TANC1: variants seen among roughly 807,000 people sequenced by gnomAD.
The protein encoded by TANC1 is protein TANC1.
Under a neutral mutation model 149.7 loss-of-function variants are expected in TANC1, and 77 were observed. The ratio of observed to expected loss-of-function variants is 0.51; its 90% confidence interval spans 0.43 to 0.62. TANC1 has a LOEUF of 0.62. Ranked by LOEUF, TANC1 falls within the 20% of genes least tolerant of loss-of-function variation. The probability of loss-of-function intolerance (pLI) is 0.00; values close to 1 mark genes in which losing one functional copy is unlikely to be tolerated. For missense variants in TANC1, 1,985 were observed against 2,321.8 expected (o/e 0.85, Z 2.98); for synonymous variants, 854 against 925.0 (o/e 0.92, Z 1.39).
intron 2 of TANC1, among the ~76,000 whole-genome samples, chr2:159,031,111 A>T (rs1184305488): frequency 6.6e-6 from 1 of 152,226 alleles, no homozygotes; most frequent in Non-Finnish European, 1.5e-5. Context: ...GCTCCTTATC[A>T]GAACTGAGCT....
intron 1 of TANC1, among the ~76,000 whole-genome samples, chr2:158,985,869 C>T (rs1166097902): frequency 6.6e-6 from 1 of 152,146 alleles, no homozygotes; most frequent in African/African-American, 2.4e-5. Flanking sequence ...TCTGAAACTC[C>T]TGACCTTGCG....
chr2:159,179,191 T>C, intron 14 of TANC1, 28 bp downstream of exon 14: 1 of 1,584,224 alleles, frequency 6.3e-7, no homozygotes, highest in Non-Finnish European at 8.6e-7. Flanking sequence ...TTTCAGCTCT[T>C]TGCAGGGAAT....
At chr2:158,997,130 A>G (rs1201762334) in intron 1 of TANC1, among the ~76,000 whole-genome samples, 3 of 152,224 alleles carry the variant, frequency 2.0e-5, no homozygotes, top group Non-Finnish European at 4.4e-5. Flanking sequence ...ACTATAATCT[A>G]TAAAAACTAC....
Position 159,149,251 on chromosome 2 carries a change from T to C in TANC1, c.474T>C (p.Ile158=), listed in dbSNP as rs193207814. ...TCCCAAGTGCCACACACATAACCAT[T>C]GAAGACAAAAATGAAACCATGGTAA... The part of the protein sequence containing the change: ...EGIPSATHIT[I]EDKNETMCTA... Residue 158 remains isoleucine (I), a synonymous_variant, in exon 6 of 27, where the codon ATT becomes ATC. Coordinates refer to ENST00000263635, the MANE Select transcript of TANC1 (RefSeq NM_033394.3). The C allele has an allele frequency of 3.1e-4, 506 of 1,614,126 alleles. 3 individuals carry two copies. The highest frequency in any genetic ancestry group is 1.6e-3 in the Middle Eastern group (10 of 6,062).
In TANC1 at chr2:159,143,075, A is replaced by AAC. The variant is rs1553573304; in HGVS notation, c.365-6066_365-6065insCA. Among the ~76,000 whole-genome samples, 75 of 98,822 alleles carry AAC rather than the reference A, an allele frequency of 7.6e-4. 1 individual carries two copies. The highest frequency in any genetic ancestry group is 5.3e-3 in the Middle Eastern group (1 of 190). 64.8% of individuals were successfully genotyped at this position (98,822 alleles called of 152,430 possible). The stretch of plus-strand genomic sequence containing the variant: ...GAGACTCTGTCTCAAAAAAAAAAAA[A>AAC]AAACAACAAAACAAAACAAAAAAAA... On this transcript the variant is annotated intron_variant, in intron 5 of 26. Transcript: ENST00000263635.
chr2:159,159,717 TGAGAGAGAGAGAGAGAGAGAGAGA>T (rs56101796), intron 7 of TANC1, among the ~76,000 whole-genome samples: 5 of 114,974 alleles, frequency 4.3e-5, no homozygotes, highest in Non-Finnish European at 8.8e-5. Flanking sequence ...TGTGTGTGTG[TGAGAGAGAGAGAGAGAGAGAGAGA>T]GAGAGAGAGA....
At chr2:159,094,784 GT>G (rs1420159190) in intron 3 of TANC1, among the ~76,000 whole-genome samples, 109 of 144,440 alleles carry the variant, frequency 7.5e-4, no homozygotes, top group African/African-American at 2.6e-3. Context: ...TGGGGGGGGG[GT>G]GGGGGCCAGC....
intron 2 of TANC1, among the ~76,000 whole-genome samples, chr2:159,016,508 A>G (rs1353430659): frequency 6.6e-6 from 1 of 151,964 alleles, no homozygotes; most frequent in Non-Finnish European, 1.5e-5. Context: ...CTGTCTCCTA[A>G]TTCAGTACCT....
intron 7 of TANC1, among the ~76,000 whole-genome samples, chr2:159,153,215 G>T (rs539535324): frequency 2.6e-5 from 4 of 152,214 alleles, no homozygotes; most frequent in Admixed American, 2.6e-4. Context: ...AGCTATGCAG[G>T]ATCCCCATTC....
chr2:159,051,410 G>A (rs1353871164), intron 2 of TANC1, among the ~76,000 whole-genome samples: 1 of 152,202 alleles, frequency 6.6e-6, no homozygotes, highest in East Asian at 1.9e-4. Context: ...TTCATACTAA[G>A]AGAAATGATG....
At chr2:159,073,519 A>C (rs1283113335) in intron 3 of TANC1, among the ~76,000 whole-genome samples, 1 of 152,186 alleles carries the variant, frequency 6.6e-6, no homozygotes, top group African/African-American at 2.4e-5. Flanking sequence ...ATGCTTCTTT[A>C]CTTGAGCTGC....
chr2:159,006,153 C>T (rs2037146916), intron 2 of TANC1, among the ~76,000 whole-genome samples: 1 of 151,948 alleles, frequency 6.6e-6, no homozygotes, highest in South Asian at 2.1e-4. Context: ...AAAAATTAGC[C>T]AGGAGTGGTG....
In TANC1 at chr2:158,992,669, ATTTTTTTTTTT is replaced by A. The variant is rs70994251; in HGVS notation, c.-125-8397_-125-8387del. ...AGGCGCCCACCACCATGCCCAGCTA[ATTTTTTTTTTT>A]TTTTTTTTTTTTTGTATTTTTAGTA... is the stretch of plus-strand genomic sequence containing the variant. On this transcript the variant is annotated intron_variant, in intron 1 of 26. Coordinates refer to ENST00000263635, the MANE Select transcript of TANC1 (RefSeq NM_033394.3). 2.6e-3 allele frequency among the ~76,000 whole-genome samples: 293 copies of A among 112,524 alleles called. 3 individuals carry two copies. The highest frequency in any genetic ancestry group is 9.0e-3 in the African/African-American group (260 of 28,958). 73.8% of individuals were successfully genotyped at this position (112,524 alleles called of 152,430 possible).
intron 2 of TANC1, among the ~76,000 whole-genome samples, chr2:159,029,526 G>A (rs913171238): frequency 6.6e-6 from 1 of 152,108 alleles, no homozygotes; most frequent in Non-Finnish European, 1.5e-5. Context: ...TTTTCACTGT[G>A]GTTTATCATA....
intron 22 of TANC1, 138 bp downstream of exon 22, chr2:159,220,005 TG>T: frequency 1.4e-6 from 1 of 730,026 alleles, no homozygotes; most frequent in East Asian, 2.7e-5. Flanking sequence ...TGTGTGTGTG[TG>T]TGTGTGTGTG....
intron 2 of TANC1, among the ~76,000 whole-genome samples, chr2:159,016,082 G>C (rs2038238666): frequency 6.6e-6 from 1 of 152,170 alleles, no homozygotes; most frequent in African/African-American, 2.4e-5. Flanking sequence ...TCACACTGCT[G>C]ATAAAGACAT....
chr2:159,136,581 G>T (rs888928041), intron 5 of TANC1, among the ~76,000 whole-genome samples: 1 of 152,132 alleles, frequency 6.6e-6, no homozygotes, highest in Admixed American at 6.5e-5. Context: ...GATAGGAAGC[G>T]TCACCCAGTA....
intron 1 of TANC1, among the ~76,000 whole-genome samples, chr2:158,998,451 A>C (rs1343077146): frequency 6.6e-6 from 1 of 152,160 alleles, no homozygotes; most frequent in African/African-American, 2.4e-5. Flanking sequence ...ATTTGTTTAA[A>C]ATGTAATTTC....
chr2:159,210,580 T>G lies in TANC1; in HGVS notation c.3245-6917T>G, dbSNP rs2058918463. On this transcript the variant is annotated intron_variant, in intron 19 of 26. Coordinates refer to ENST00000263635, the MANE Select transcript of TANC1 (RefSeq NM_033394.3). ...TTGTTTGTTTGTTTGTTTTTTGTTTTTTTTTGAGATGGTGTCTTGCTCTTT... is the reference window on the plus strand; with the variant it reads ...TTGTTTGTTTGTTTGTTTTTTGTTTGTTTTTGAGATGGTGTCTTGCTCTTT... Among the ~76,000 whole-genome samples, 3 of 152,208 alleles carry G rather than the reference T, an allele frequency of 2.0e-5. No homozygotes were observed. In the South Asian group the frequency reaches 6.2e-4, roughly 32 times the overall value.
Sources: gnomAD v4.1 joint callset for allele counts (sites outside exome capture counted in the v4.1 genomes callset) on GRCh38, gnomAD v4.1.1 for gene constraint, MANE v1.5 for transcripts, NCBI Gene and HGNC (gene_info 2026-07-23, HGNC 2026-07-21) for gene names.